The following ZMIZ1 variants were observed in gnomAD, a reference collection of about 807,000 sequenced individuals.
ZMIZ1 encodes zinc finger MIZ-type containing 1.
A neutral mutation model predicts 113.9 loss-of-function variants in ZMIZ1; 17 were observed. The observed-to-expected ratio is 0.15, with a 90% CI of 0.10 to 0.22. ZMIZ1 has a LOEUF of 0.22. Ranked by LOEUF, ZMIZ1 falls within the 10% of genes least tolerant of loss-of-function variation. ZMIZ1 has a pLI of 1.00. For synonymous variants in ZMIZ1, 607 were observed against 603.1 expected, an observed-to-expected ratio of 1.01 and a Z score of -0.09; for missense variants, 1,059 against 1,477.8, an observed-to-expected ratio of 0.72 and a Z score of 4.65.
At chr10:79,163,645 C>T (rs949435232) in intron 4 of ZMIZ1, among the ~76,000 whole-genome samples, 11 of 152,190 alleles carry the variant, frequency 7.2e-5, no homozygotes, top group East Asian at 1.9e-4. Flanking sequence ...GGATTTGAAC[C>T]GAGGTCCATC....
chr10:79,216,039 A>G (rs1848713327), intron 6 of ZMIZ1, 130 bp from the exon 7 acceptor site: 1 of 506,968 alleles, frequency 2.0e-6, no homozygotes, highest in Admixed American at 4.2e-5. Context: ...GGCACAGTGG[A>G]CTTCTGGCTC....
chr10:79,165,150 C>A (rs1472252884), intron 4 of ZMIZ1, among the ~76,000 whole-genome samples: 1 of 152,160 alleles, frequency 6.6e-6, no homozygotes, highest in Non-Finnish European at 1.5e-5. Context: ...GCTGGTCTGT[C>A]TGGTGTAACC....
At chr10:79,186,613 C>A (rs1402065025) in intron 4 of ZMIZ1, among the ~76,000 whole-genome samples, 1 of 152,216 alleles carries the variant, frequency 6.6e-6, no homozygotes, top group Admixed American at 6.5e-5. Context: ...TAATATGCAA[C>A]TGCCACTTAA....
chr10:79,114,750 G>T (rs2132308678), intron 1 of ZMIZ1, among the ~76,000 whole-genome samples: 1 of 152,244 alleles, frequency 6.6e-6, no homozygotes, highest in Middle Eastern at 3.4e-3. Context: ...ATCACCACGG[G>T]CTGAGAATCT....
At chr10:79,147,802 A>G (rs1845553546) in intron 3 of ZMIZ1, among the ~76,000 whole-genome samples, 1 of 152,084 alleles carries the variant, frequency 6.6e-6, no homozygotes, top group Admixed American at 6.5e-5. Flanking sequence ...AGCCAGGGAG[A>G]GTGTCCCCTT....
chr10:79,290,737 A>G, intron 9 of ZMIZ1: 1 of 699,558 alleles, frequency 1.4e-6, no homozygotes, highest in Non-Finnish European at 2.6e-6. Flanking sequence ...AGCTTGTTCC[A>G]TCACAAGGCT....
chr10:79,160,721 T>C (rs1449269149), intron 3 of ZMIZ1, among the ~76,000 whole-genome samples: 2 of 152,204 alleles, frequency 1.3e-5, no homozygotes, highest in Non-Finnish European at 2.9e-5. Context: ...CTGTGCACAG[T>C]GAGGTGGAGC....
At chr10:79,188,377 G>GGCCGCCCTTCCAGGAAGTGTTCTGT (rs1847439440) in intron 4 of ZMIZ1, among the ~76,000 whole-genome samples, 2 of 152,106 alleles carry the variant, frequency 1.3e-5, no homozygotes, top group African/African-American at 4.8e-5. Context: ...AAGTGTTCTG[G>GGCCGCCCTTCCAGGAAGTGTTCTGT]GCCGCTCTTC....
chr10:79,157,008 G>A (rs921107836), intron 3 of ZMIZ1, among the ~76,000 whole-genome samples: 1 of 148,904 alleles, frequency 6.7e-6, no homozygotes, highest in African/African-American at 2.4e-5. Flanking sequence ...TGGAAGTTCA[G>A]GGAGGGTACC....
intron 8 of ZMIZ1, among the ~76,000 whole-genome samples, chr10:79,279,455 G>C (rs1419993888): frequency 6.6e-6 from 1 of 152,056 alleles, no homozygotes; most frequent in African/African-American, 2.4e-5. Flanking sequence ...TGTCAGCCGG[G>C]AAGAGGCGCT....
chr10:79,137,273 T>C (rs1469740479), intron 2 of ZMIZ1, among the ~76,000 whole-genome samples: 1 of 152,178 alleles, frequency 6.6e-6, no homozygotes, highest in Non-Finnish European at 1.5e-5. Flanking sequence ...CGGTGTTATG[T>C]GCAGGCTGGC....
At chr10:79,137,964 C>T (rs1243015803) in intron 2 of ZMIZ1, among the ~76,000 whole-genome samples, 2 of 152,160 alleles carry the variant, frequency 1.3e-5, no homozygotes, top group African/African-American at 2.4e-5. Context: ...TGTGGTAAAC[C>T]GATCTGGCTT....
At chr10:79,294,591 T>G (rs2132041401) in intron 12 of ZMIZ1, 1 of 152,322 alleles carries the variant, frequency 6.6e-6, no homozygotes, top group East Asian at 1.9e-4. Flanking sequence ...AGCTGGCCCA[T>G]CTGGGTACCC....
At position 79,293,399 on chromosome 10, in the gene ZMIZ1, T is replaced by C; in HGVS notation, c.976T>C (p.Tyr326His). Residue 326 changes from tyrosine (Y) to histidine (H), a missense_variant, in exon 12 of 25, where the codon TAT (tyrosine) becomes CAT (histidine). By Grantham distance (83) the Tyr-to-His change is moderately conservative. This residue lies in a region of ZMIZ1 where 83 missense variants were observed against 103.7 expected (regional missense o/e 0.80). Coordinates refer to ENST00000334512, the MANE Select transcript of ZMIZ1 (RefSeq NM_020338.4). Reference protein sequence around the residue: ...QYGPMGPTQAYNSQFMNQPGP... With the variant: ...QYGPMGPTQAHNSQFMNQPGP... ...TTTCCAGATGGGTCCCACCCAGGCG[T>C]ATAACAGCCAATTCATGAACCAGCC... 1 of 1,517,128 alleles carries C rather than the reference T, an allele frequency of 6.6e-7. No homozygotes were observed. Among genetic ancestry groups the C allele is most frequent in the Non-Finnish European group, 8.8e-7 (1 of 1,133,766 alleles). The allele number at this position is 1,517,128 out of a possible 1,614,324, so 94.0% of individuals were successfully genotyped here.
chr10:79,239,291 G>A (rs1250596), intron 7 of ZMIZ1, among the ~76,000 whole-genome samples: 17,583 of 152,178 alleles, frequency 0.12, 1,443 homozygotes, highest in African/African-American at 0.23. Flanking sequence ...CCAGGTCCCC[G>A]GTATGTGTGC....
At chr10:79,266,605 C>G (rs1851621318) in intron 7 of ZMIZ1, among the ~76,000 whole-genome samples, 1 of 152,176 alleles carries the variant, frequency 6.6e-6, no homozygotes, top group African/African-American at 2.4e-5. Flanking sequence ...TGAGGCTGCA[C>G]TGATGGTGCG....
intron 4 of ZMIZ1, among the ~76,000 whole-genome samples, chr10:79,191,853 A>T (rs558226789): frequency 1.3e-5 from 2 of 152,180 alleles, no homozygotes; most frequent in South Asian, 4.1e-4. Flanking sequence ...CTGTTTCTTC[A>T]CCTGTAGTAC....
At chr10:79,254,157 C>T (rs1396732559) in intron 7 of ZMIZ1, among the ~76,000 whole-genome samples, 1 of 152,222 alleles carries the variant, frequency 6.6e-6, no homozygotes, top group African/African-American at 2.4e-5. Context: ...GTTTTCCAGC[C>T]GCTTCCTAGC....
chr10:79,220,578 G>C (rs536092280), intron 7 of ZMIZ1, among the ~76,000 whole-genome samples: 2 of 152,190 alleles, frequency 1.3e-5, no homozygotes, highest in South Asian at 2.1e-4. Flanking sequence ...TTCCACACTT[G>C]TCTGACGTGC....
Sources: gnomAD v4.1 joint callset for allele counts (sites outside exome capture counted in the v4.1 genomes callset) on GRCh38, gnomAD v4.1.1 for gene constraint, gnomAD v4.1.1 regional missense constraint, MANE v1.5 for transcripts, NCBI Gene and HGNC (gene_info 2026-07-23, HGNC 2026-07-21) for gene names.